SUPT3H: variants seen among roughly 807,000 people sequenced by gnomAD.
SUPT3H encodes the protein transcription initiation protein SPT3 homolog.
SUPT3H carries 44 observed loss-of-function variants against 44.3 expected under a neutral mutation model. The observed-to-expected ratio is 0.99, with a 90% CI of 0.78 to 1.28. SUPT3H has a LOEUF of 1.28. SUPT3H is among the 50% of genes most tolerant of loss of function. The pLI is 0.00. For missense variants in SUPT3H, 380 were observed against 387.1 expected (o/e 0.98, Z 0.15); for synonymous variants, 124 against 125.6 (o/e 0.99, Z 0.09).
chr6:45,248,234 A>C (rs1771725912), intron 2 of SUPT3H, among the ~76,000 whole-genome samples: 1 of 151,818 alleles, frequency 6.6e-6, no homozygotes. Context: ...AGAAAAAATG[A>C]CCAATTGAAT....
In SUPT3H at chr6:45,154,045, G is replaced by A. The variant is rs189311257; in HGVS notation, c.102-48039C>T. Among the ~76,000 whole-genome samples the A allele has an allele frequency of 7.0e-3, 805 of 114,956 alleles. 14 individuals are homozygous for A. Among genetic ancestry groups the A allele is most frequent in the African/African-American group, 0.025 (772 of 31,002 alleles). The allele number at this position is 114,956 out of a possible 152,430, so 75.4% of individuals were successfully genotyped here. On this transcript the variant is annotated intron_variant, in intron 2 of 10. Transcript: ENST00000371459. Reference sequence around the variant, plus strand: ...AGATCACGCCACTGCACTACAGCCTGGGCAACAGAGCAAGACTCTGTCTCA... The same window carrying A: ...AGATCACGCCACTGCACTACAGCCTAGGCAACAGAGCAAGACTCTGTCTCA...
chr6:44,967,197 T>A (rs189321014), intron 6 of SUPT3H, among the ~76,000 whole-genome samples: 2 of 152,340 alleles, frequency 1.3e-5, no homozygotes, highest in Admixed American at 1.3e-4. Flanking sequence ...CTCAACAGTA[T>A]TTTAAAATTT....
At chr6:45,330,674 A>G (rs1027557047) in intron 2 of SUPT3H, among the ~76,000 whole-genome samples, 2 of 151,914 alleles carry the variant, frequency 1.3e-5, no homozygotes, top group African/African-American at 4.8e-5. Flanking sequence ...ACTATTCAAA[A>G]TTTCCAAAAC....
At chr6:44,898,503 C>T (rs1349747210) in intron 10 of SUPT3H, among the ~76,000 whole-genome samples, 2 of 152,350 alleles carry the variant, frequency 1.3e-5, no homozygotes, top group East Asian at 3.9e-4. Context: ...ACTGCAACCT[C>T]ACAGGAAATT....
intron 2 of SUPT3H, among the ~76,000 whole-genome samples, chr6:45,270,990 A>C (rs1195161365): frequency 1.1e-4 from 16 of 152,198 alleles, no homozygotes; most frequent in Non-Finnish European, 2.9e-5. Flanking sequence ...TGCCCTAGAA[A>C]TTTGTGGAAC....
intron 10 of SUPT3H, among the ~76,000 whole-genome samples, chr6:44,910,027 A>T (rs562304331): frequency 6.6e-6 from 1 of 152,254 alleles, no homozygotes; most frequent in East Asian, 1.9e-4. Context: ...GGAAGAAGAA[A>T]ATTGCTACTG....
At chr6:45,206,386 T>C (rs1485689540) in intron 2 of SUPT3H, among the ~76,000 whole-genome samples, 2 of 151,832 alleles carry the variant, frequency 1.3e-5, no homozygotes, top group African/African-American at 2.4e-5. Context: ...TAAGAAGATA[T>C]TTGAGGAAAG....
intron 2 of SUPT3H, among the ~76,000 whole-genome samples, chr6:45,330,862 G>C (rs530740531): frequency 1.3e-5 from 2 of 152,000 alleles, no homozygotes; most frequent in East Asian, 3.9e-4. Context: ...AATTACAGGT[G>C]AGTAGTGGAC....
intron 2 of SUPT3H, among the ~76,000 whole-genome samples, chr6:45,228,301 T>G (rs995272737): frequency 6.6e-6 from 1 of 152,180 alleles, no homozygotes; most frequent in Non-Finnish European, 1.5e-5. Flanking sequence ...GCAAAGCAGA[T>G]AGCCCTCCAT....
intron 3 of SUPT3H, among the ~76,000 whole-genome samples, chr6:45,031,754 A>G (rs1273809918): frequency 6.6e-6 from 1 of 152,190 alleles, no homozygotes; most frequent in Non-Finnish European, 1.5e-5. Context: ...GAACCATAAG[A>G]AAGAATGGCG....
intron 10 of SUPT3H, among the ~76,000 whole-genome samples, chr6:44,910,335 C>A (rs1040165406): frequency 6.6e-6 from 1 of 152,192 alleles, no homozygotes; most frequent in African/African-American, 2.4e-5. Flanking sequence ...TTCTCTACTG[C>A]GTATCTTGCT....
At chr6:45,272,407 A>T (rs4582383) in intron 2 of SUPT3H, among the ~76,000 whole-genome samples, 29,033 of 152,034 alleles carry the variant, frequency 0.19, 4,482 homozygotes, top group African/African-American at 0.43. Flanking sequence ...GGTTTGATAA[A>T]GGAAACCCGT....
chr6:45,020,632 A>G lies in SUPT3H; in HGVS notation c.187T>C (p.Leu63=). The change falls in exon 4 of 11, where the codon TTA becomes CTA. Residue 63 remains leucine, a splice_region_variant and synonymous_variant. Coordinates refer to ENST00000371459, the MANE Select transcript of SUPT3H (RefSeq NM_003599.4). ...DVVHTQLINL[L]QQAAEVSQLR... ...TGAGAAACTTCAGCAGCTTGCTGTA[A>G]CTAACAATAATGAAAATTTAGAAAT... The G allele has an allele frequency of 6.2e-7, 1 of 1,609,044 alleles. No homozygotes were observed. The highest frequency in any genetic ancestry group is 8.5e-7 in the Non-Finnish European group (1 of 1,176,986).
intron 10 of SUPT3H, among the ~76,000 whole-genome samples, chr6:44,856,592 C>T (rs767210260): frequency 7.9e-5 from 12 of 152,046 alleles, no homozygotes; most frequent in Non-Finnish European, 1.6e-4. Context: ...TAACATTTGC[C>T]CTCTTATCCT....
chr6:45,106,210 T>C (rs1471343611), intron 2 of SUPT3H, among the ~76,000 whole-genome samples: 1 of 152,108 alleles, frequency 6.6e-6, no homozygotes, highest in Non-Finnish European at 1.5e-5. Flanking sequence ...AGCGGGAGGA[T>C]CACTTGAGCC....
At chr6:44,817,834 A>G (rs1227224799) in intron 11 of SUPT3H, among the ~76,000 whole-genome samples, 3 of 152,198 alleles carry the variant, frequency 2.0e-5, no homozygotes, top group Non-Finnish European at 4.4e-5. Context: ...AAATTTAAAA[A>G]GACCTTTATA....
chr6:44,988,576 G>C (rs1780157536), intron 6 of SUPT3H, among the ~76,000 whole-genome samples: 1 of 127,588 alleles, frequency 7.8e-6, no homozygotes, highest in Admixed American at 7.6e-5. Flanking sequence ...ATATTAAGAT[G>C]AAAGTTTACA....
chr6:45,148,724 T>A (rs1354593051), intron 2 of SUPT3H, among the ~76,000 whole-genome samples: 1 of 152,190 alleles, frequency 6.6e-6, no homozygotes, highest in Non-Finnish European at 1.5e-5. Flanking sequence ...TTTTTCAATA[T>A]AAAGTGCCAA....
intron 6 of SUPT3H, among the ~76,000 whole-genome samples, chr6:45,002,346 G>A (rs546164064): frequency 1.3e-5 from 2 of 151,886 alleles, no homozygotes; most frequent in Admixed American, 6.6e-5. Context: ...GCCCTTTTAG[G>A]TAACAGGTTT....
Sources: gnomAD v4.1 joint callset for allele counts (sites outside exome capture counted in the v4.1 genomes callset) on GRCh38, gnomAD v4.1.1 for gene constraint, MANE v1.5 for transcripts, NCBI Gene and HGNC (gene_info 2026-07-23, HGNC 2026-07-21) for gene names.